Variants in NBEA observed in about 807,000 individuals in gnomAD.
NBEA encodes lysosomal-trafficking regulator 2.
A neutral mutation model predicts 343.4 loss-of-function variants in NBEA; 44 were observed. The observed-to-expected ratio is 0.13, with a 90% CI of 0.10 to 0.16. The LOEUF (loss-of-function observed/expected upper bound fraction) is 0.16, where lower values mean the gene tolerates loss of function less well. Among genes scored for constraint, NBEA ranks in the 10% least tolerant of loss-of-function variants. NBEA has a pLI of 1.00. For synonymous variants in NBEA, 1,175 were observed against 1,238.7 expected (o/e 0.95, Z 1.08); for missense variants, 2,555 against 3,631.3 (o/e 0.70, Z 7.62).
At chr13:35,628,894 G>C (rs747809229) in intron 49 of NBEA, among the ~76,000 whole-genome samples, 4 of 152,026 alleles carry the variant, frequency 2.6e-5, no homozygotes, top group Admixed American at 6.6e-5. Context: ...CTCCAGCCTG[G>C]GTGACAGAGC....
intron 1 of NBEA, among the ~76,000 whole-genome samples, chr13:35,010,042 G>T (rs2061431666): frequency 6.6e-6 from 1 of 152,122 alleles, no homozygotes; most frequent in Non-Finnish European, 1.5e-5. Context: ...GTTTGTTCTT[G>T]GCCCTGTTCA....
chr13:35,217,879 C>T (rs1026765255), intron 33 of NBEA, among the ~76,000 whole-genome samples: 1 of 152,066 alleles, frequency 6.6e-6, no homozygotes, highest in African/African-American at 2.4e-5. Flanking sequence ...TCTATTCTAG[C>T]CCTTGGAGCT....
chr13:35,474,358 T>G (rs2075774436), intron 41 of NBEA: 1 of 152,618 alleles, frequency 6.6e-6, no homozygotes, highest in African/African-American at 2.4e-5. Flanking sequence ...GAATTCAAAT[T>G]TCTTTGAATA....
At chr13:35,084,540 C>G (rs897898791) in intron 10 of NBEA, among the ~76,000 whole-genome samples, 4 of 152,054 alleles carry the variant, frequency 2.6e-5, no homozygotes, top group African/African-American at 9.7e-5. Flanking sequence ...CCAACGAGGA[C>G]AAAGACACAA....
chr13:35,163,618 A>AAC (rs2152714922), intron 23 of NBEA, among the ~76,000 whole-genome samples: 1 of 95,354 alleles, frequency 1.0e-5, no homozygotes, highest in Admixed American at 9.9e-5. Flanking sequence ...ATCCTTTCTC[A>AAC]AAAAAAAAAA....
intron 41 of NBEA, among the ~76,000 whole-genome samples, chr13:35,487,057 A>T (rs566969051): frequency 6.6e-6 from 1 of 152,082 alleles, no homozygotes; most frequent in Admixed American, 6.6e-5. Flanking sequence ...ATGTAATATC[A>T]GTGAGCTATA....
In NBEA at chr13:35,649,643, T is replaced by C. The variant is rs3765523; in HGVS notation, c.7771-12T>C. On this transcript the variant is annotated splice_polypyrimidine_tract_variant and intron_variant, in intron 51 of 58. Coordinates refer to ENST00000379939, the MANE Select transcript of NBEA (RefSeq NM_001385012.1). Reference sequence around the variant, plus strand: ...TTGTCTTCCTCTGTTCTCTTCCCTTTCTATTCAACAGTGTTTCCTTCCACA... The same window carrying C: ...TTGTCTTCCTCTGTTCTCTTCCCTTCCTATTCAACAGTGTTTCCTTCCACA... 0.14 allele frequency: 231,857 copies of C among 1,600,904 alleles called. 17,867 individuals are homozygous for C. Among genetic ancestry groups the C allele is most frequent in the South Asian group, 0.18 (16,356 of 90,786 alleles).
chr13:34,962,998 G>A (rs915146555), intron 1 of NBEA, among the ~76,000 whole-genome samples: 1 of 152,012 alleles, frequency 6.6e-6, no homozygotes, highest in African/African-American at 2.4e-5. Flanking sequence ...GGAAACCTAG[G>A]CACAGAGAAA....
rs556020588 is a variant in NBEA at position 35,667,557 on chromosome 13, A to G, written c.8648A>G (p.Asn2883Ser). The change falls in exon 57 of 59, where the codon AAT becomes AGT. Residue 2883 changes from asparagine to serine, a missense_variant. Asn to Ser is a conservative substitution (Grantham distance 46). This residue lies in a region of NBEA where 186 missense variants were observed against 328.9 expected (regional missense o/e 0.57). Coordinates refer to ENST00000379939, the MANE Select transcript of NBEA (RefSeq NM_001385012.1). ...AAACTTTTGGCTCAAATGGAGATCAATGATTCAACACGGGTAAATCTGCAT... is the reference window on the plus strand; with the variant it reads ...AAACTTTTGGCTCAAATGGAGATCAGTGATTCAACACGGGTAAATCTGCAT... ...NGKLLAQMEI[N>S]DSTRAILLSS... 85 of 1,613,994 alleles carry G rather than the reference A, an allele frequency of 5.3e-5. No individual in the cohort carries two copies. The highest frequency in any genetic ancestry group is 3.3e-4 in the East Asian group (15 of 44,888).
rs888880757 is a variant in NBEA at position 35,423,631 on chromosome 13, G to A, written c.6180-8638G>A. Among the ~76,000 whole-genome samples the A allele has an allele frequency of 2.6e-4, 40 of 152,042 alleles. 1 individual carries two copies. The highest frequency in any genetic ancestry group is 3.7e-4 in the Non-Finnish European group (25 of 68,006). ...TGGCTTAGGATTGACTTGGCGATGT[G>A]GGCTCTTTTTTGGTTCCATATGAAC... On this transcript the variant is annotated intron_variant, in intron 38 of 58. Coordinates refer to ENST00000379939, the MANE Select transcript of NBEA (RefSeq NM_001385012.1).
In NBEA at chr13:35,232,526, G is replaced by A; in HGVS notation, c.5683G>A (p.Val1895Ile). The A allele has an allele frequency of 6.5e-7, 1 of 1,548,532 alleles. No individual in the cohort carries two copies. The highest frequency in any genetic ancestry group is 8.7e-7 in the Non-Finnish European group (1 of 1,144,966). ...TAKLERALEK[V>I]APLLREIFVD... Reference sequence around the variant, plus strand: ...AAAACTTGAAAGAGCGTTAGAAAAAGTTGCTCCTCTTCTTCGTGAAATTTT... The same window carrying A: ...AAAACTTGAAAGAGCGTTAGAAAAAATTGCTCCTCTTCTTCGTGAAATTTT... The change falls in exon 34 of 59, where the codon GTT becomes ATT. Residue 1895 changes from valine to isoleucine, a missense_variant. Around this residue, in one of 21 missense-constraint regions of NBEA, gnomAD observed 84 missense variants for 196.4 expected, o/e 0.43. Transcript: ENST00000379939.
At chr13:35,517,593 A>C (rs182125948) in intron 41 of NBEA, among the ~76,000 whole-genome samples, 16 of 152,274 alleles carry the variant, frequency 1.1e-4, no homozygotes, top group Admixed American at 2.0e-4. Context: ...AGCCTATTGG[A>C]GTTTATCTCC....
intron 1 of NBEA, among the ~76,000 whole-genome samples, chr13:34,946,966 G>A (rs914060432): frequency 1.3e-5 from 2 of 151,282 alleles, no homozygotes; most frequent in Non-Finnish European, 2.9e-5. Context: ...TACAAACAAG[G>A]TGTCTTCTGC....
chr13:35,631,432 A>T (rs2083448706), intron 49 of NBEA, among the ~76,000 whole-genome samples: 1 of 152,094 alleles, frequency 6.6e-6, no homozygotes, highest in Non-Finnish European at 1.5e-5. Flanking sequence ...TATTGAGCTC[A>T]ATACATTTAT....
intron 40 of NBEA, among the ~76,000 whole-genome samples, chr13:35,467,240 A>G (rs1352503603): frequency 6.6e-6 from 1 of 152,116 alleles, no homozygotes; most frequent in African/African-American, 2.4e-5. Context: ...GTGGGAGGCC[A>G]AGGCGGGCGG....
intron 41 of NBEA, chr13:35,475,097 C>T (rs2075803295): frequency 1.2e-6 from 2 of 1,614,136 alleles, no homozygotes; most frequent in Non-Finnish European, 1.7e-6. Context: ...GTCAGGATCT[C>T]TCTTGCCAGT....
chr13:35,279,109 A>G (rs756050351), intron 34 of NBEA, among the ~76,000 whole-genome samples: 26 of 152,190 alleles, frequency 1.7e-4, no homozygotes, highest in Admixed American at 8.5e-4. Flanking sequence ...TAGGTATACA[A>G]TGTAATCAAT....
intron 46 of NBEA, among the ~76,000 whole-genome samples, chr13:35,587,726 A>G (rs1035744474): frequency 7.2e-5 from 11 of 152,214 alleles, no homozygotes; most frequent in Non-Finnish European, 1.5e-5. Context: ...AGTTAACCTC[A>G]TCTATCCCTA....
At chr13:35,452,721 TC>T (rs1267436318) in intron 40 of NBEA, among the ~76,000 whole-genome samples, 1 of 152,176 alleles carries the variant, frequency 6.6e-6, no homozygotes, top group Non-Finnish European at 1.5e-5. Flanking sequence ...AGATATTCTT[TC>T]CCCTACCACC....
Sources: allele counts gnomAD v4.1 joint callset (sites outside exome capture counted in the v4.1 genomes callset), GRCh38; gene constraint gnomAD v4.1.1; regional missense constraint gnomAD v4.1.1; transcripts MANE v1.5; gene names NCBI Gene and HGNC (gene_info 2026-07-23, HGNC 2026-07-21).